TPO: variants seen among roughly 807,000 people sequenced by gnomAD.
TPO encodes the protein thyroid microsomal antigen.
Under a neutral mutation model 96.9 loss-of-function variants are expected in TPO, and 78 were observed. The ratio of observed to expected loss-of-function variants is 0.81; its 90% confidence interval spans 0.67 to 0.97. TPO has a LOEUF of 0.97. Among genes scored for constraint, TPO ranks in the 50% least tolerant of loss-of-function variants. The pLI, the probability that TPO is intolerant of heterozygous loss-of-function variation, is 0.00. For missense variants in TPO, 1,252 were observed against 1,274.8 expected (o/e 0.98, Z 0.27); for synonymous variants, 547 against 538.0 (o/e 1.02, Z -0.23).
chr2:1,525,754 A>C (rs1573553336), intron 15 of TPO, among the ~76,000 whole-genome samples: 1 of 118,680 alleles, frequency 8.4e-6, no homozygotes. Flanking sequence ...ATCTCACCCC[A>C]CTGTGGGCAA....
intron 5 of TPO, among the ~76,000 whole-genome samples, chr2:1,441,667 T>C (rs1666205582): frequency 6.6e-6 from 1 of 152,126 alleles, no homozygotes; most frequent in Admixed American, 6.5e-5. Context: ...TGTGTTTTTA[T>C]AGAAGTCTAG....
chr2:1,524,011 T>TC (rs1429071532), intron 15 of TPO, among the ~76,000 whole-genome samples: 2 of 58,190 alleles, frequency 3.4e-5, no homozygotes, highest in Non-Finnish European at 6.2e-5. Context: ...ACTCACCAAA[T>TC]CCCCCCCACT....
intron 5 of TPO, among the ~76,000 whole-genome samples, chr2:1,444,086 T>A (rs1484934018): frequency 2.1e-5 from 3 of 140,716 alleles, no homozygotes; most frequent in Non-Finnish European, 4.5e-5. Flanking sequence ...GGAGGCACCA[T>A]GTTAGAAGGG....
intron 1 of TPO, among the ~76,000 whole-genome samples, chr2:1,383,396 TGA>T (rs1558242239): frequency 6.6e-6 from 1 of 152,214 alleles, no homozygotes; most frequent in Admixed American, 6.5e-5. Context: ...TGTTGTTTCC[TGA>T]GCATTTAATG....
intron 12 of TPO, 62 bp from the exon 13 acceptor site, chr2:1,496,533 G>A (rs1459390583): frequency 1.3e-5 from 21 of 1,608,080 alleles, no homozygotes; most frequent in Middle Eastern, 2.1e-4. Context: ...TGACAGGGAC[G>A]TTGGTGTGTG....
chr2:1,407,697 G>A (rs538226074), intron 1 of TPO, among the ~76,000 whole-genome samples: 99 of 152,256 alleles, frequency 6.5e-4, no homozygotes, highest in African/African-American at 2.3e-3. Flanking sequence ...TAAACCAGAT[G>A]AGCACAACAT....
intron 9 of TPO, among the ~76,000 whole-genome samples, chr2:1,486,078 T>C (rs1671133392): frequency 6.6e-6 from 1 of 152,226 alleles, no homozygotes; most frequent in Non-Finnish European, 1.5e-5. Flanking sequence ...AATTTTTGCA[T>C]AAGGATTTTC....
intron 2 of TPO, 123 bp downstream of exon 2, chr2:1,414,625 ATGCTT>A: frequency 2.5e-6 from 2 of 813,492 alleles, no homozygotes; most frequent in Admixed American, 2.4e-5. Flanking sequence ...ATGCTTTGTT[ATGCTT>A]AAGAAAAAAA....
At chr2:1,377,480 G>A (rs946850102) in intron 1 of TPO, among the ~76,000 whole-genome samples, 9 of 152,146 alleles carry the variant, frequency 5.9e-5, no homozygotes, top group African/African-American at 2.2e-4. Context: ...CAGAAGTGAG[G>A]AGCCAGGCTT....
Position 1,443,966 on chromosome 2 carries a change from G to A in TPO, c.482+7582G>A, listed in dbSNP as rs556570835. On this transcript the variant is annotated intron_variant, in intron 5 of 16. Transcript: ENST00000329066. ...AGGAGGTACCATGTTGGAAGGGAAC[G>A]GGGCAGGCTCGTTCTTGTTTGTATG... Among the ~76,000 whole-genome samples the A allele has an allele frequency of 1.3e-3, 169 of 128,008 alleles. 1 individual carries two copies. The highest frequency in any genetic ancestry group is 5.0e-3 in the African/African-American group (162 of 32,542). 84.0% of individuals were successfully genotyped at this position (128,008 alleles called of 152,430 possible).
At chr2:1,531,130 C>T (rs1161586787) in intron 15 of TPO, among the ~76,000 whole-genome samples, 33 of 81,204 alleles carry the variant, frequency 4.1e-4, no homozygotes, top group African/African-American at 1.8e-3. Context: ...TGCAACCTCC[C>T]CAAAACCCCC....
intron 15 of TPO, among the ~76,000 whole-genome samples, chr2:1,531,220 T>C (rs1678128988): frequency 1.2e-5 from 1 of 84,202 alleles, no homozygotes; most frequent in African/African-American, 5.1e-5. Context: ...CCACCCCAAA[T>C]CGCCCCCACT....
chr2:1,432,398 T>C (rs550253191), intron 3 of TPO, among the ~76,000 whole-genome samples: 2 of 152,224 alleles, frequency 1.3e-5, no homozygotes, highest in Non-Finnish European at 2.9e-5. Flanking sequence ...TGTGAAACCT[T>C]GGATTGGTTC....
Position 1,477,551 on chromosome 2 carries a change from A to G in TPO, c.1285A>G (p.Ser429Gly). Reference sequence around the variant, plus strand: ...GCTCAAGGCCCTCAATGCGCACTGGAGCGCGGACGCCGTGTACCAGGAGGC... The same window carrying G: ...GCTCAAGGCCCTCAATGCGCACTGGGGCGCGGACGCCGTGTACCAGGAGGC... The part of the protein sequence containing the change: ...AALKALNAHW[S>G]ADAVYQEARK... Residue 429 changes from serine (S) to glycine (G), a missense_variant, in exon 8 of 17, where the codon AGC (serine) becomes GGC (glycine). By Grantham distance (56) the Ser-to-Gly change is moderately conservative. Transcript: ENST00000329066. The G allele has an allele frequency of 6.5e-7, 1 of 1,535,972 alleles. No homozygotes were observed. Among genetic ancestry groups the G allele is most frequent in the Non-Finnish European group, 8.7e-7 (1 of 1,146,580 alleles).
At chr2:1,523,523 A>T (rs1573535665) in intron 15 of TPO, among the ~76,000 whole-genome samples, 1 of 42,544 alleles carries the variant, frequency 2.4e-5, no homozygotes, top group Non-Finnish European at 4.3e-5. Context: ...CAACCTCCCC[A>T]AATCCCCCCC....
chr2:1,383,188 G>T (rs922724284), intron 1 of TPO, among the ~76,000 whole-genome samples: 1 of 152,098 alleles, frequency 6.6e-6, no homozygotes, highest in Non-Finnish European at 1.5e-5. Context: ...ATAAACACAA[G>T]TGTGCGTGTG....
At chr2:1,440,208 G>A (rs541175788) in intron 5 of TPO, among the ~76,000 whole-genome samples, 27 of 151,396 alleles carry the variant, frequency 1.8e-4, no homozygotes, top group African/African-American at 6.6e-4. Context: ...GCATTCCAAA[G>A]CGACCTTTGG....
At chr2:1,464,944 T>G (rs1668764173) in intron 7 of TPO, among the ~76,000 whole-genome samples, 1 of 152,226 alleles carries the variant, frequency 6.6e-6, no homozygotes, top group East Asian at 1.9e-4. Context: ...TTGAATTTGC[T>G]TTTGTGTTCT....
At chr2:1,532,627 C>A (rs1217115122) in intron 15 of TPO, among the ~76,000 whole-genome samples, 2 of 84,094 alleles carry the variant, frequency 2.4e-5, no homozygotes, top group Non-Finnish European at 4.6e-5. Flanking sequence ...AATCCCCCCC[C>A]ACTCTGTACA....
Sources: allele counts gnomAD v4.1 joint callset (sites outside exome capture counted in the v4.1 genomes callset), GRCh38; gene constraint gnomAD v4.1.1; transcripts MANE v1.5; gene names NCBI Gene and HGNC (gene_info 2026-07-23, HGNC 2026-07-21).